Variants in TOM1L2 observed in about 807,000 individuals in gnomAD.
TOM1L2 encodes target of myb1 like 2 membrane trafficking protein, also known as TOM1-like protein 2.
In TOM1L2, 31 loss-of-function variants were observed where a neutral mutation model predicts 67.9. The ratio of observed to expected loss-of-function variants is 0.46; its 90% CI spans 0.34 to 0.62. The LOEUF is 0.62. Among genes scored for constraint, TOM1L2 ranks in the 20% least tolerant of loss-of-function variants. The pLI is 0.01. For missense variants in TOM1L2, 606 were observed against 663.5 expected, an observed-to-expected ratio of 0.91 and a Z score of 0.95; for synonymous variants, 256 against 254.0, an observed-to-expected ratio of 1.01 and a Z score of -0.07.
chr17:17,909,288 A>G (rs887204454), intron 1 of TOM1L2, among the ~76,000 whole-genome samples: 1 of 152,168 alleles, frequency 6.6e-6, no homozygotes, highest in Non-Finnish European at 1.5e-5. Flanking sequence ...CCTTGAGGAG[A>G]TATTTGCAGA....
intron 5 of TOM1L2, 45 bp from the exon 6 acceptor site, chr17:17,882,908 C>A: frequency 1.9e-6 from 3 of 1,606,722 alleles, no homozygotes; most frequent in Non-Finnish European, 2.6e-6. Flanking sequence ...GGGCTGCCTG[C>A]ATAGCTGGAC....
At chr17:17,903,134 C>G (rs1435224752) in intron 2 of TOM1L2, among the ~76,000 whole-genome samples, 2 of 152,214 alleles carry the variant, frequency 1.3e-5, no homozygotes, top group Non-Finnish European at 2.9e-5. Context: ...ACTGCCACTG[C>G]ACTAGTCTCC....
chr17:17,890,789 T>C (rs2038233673), intron 4 of TOM1L2, among the ~76,000 whole-genome samples: 1 of 152,160 alleles, frequency 6.6e-6, no homozygotes, highest in African/African-American at 2.4e-5. Flanking sequence ...CATGTTCAGT[T>C]TGTGAAAATT....
intron 1 of TOM1L2, among the ~76,000 whole-genome samples, chr17:17,945,507 CTGCTAT>C (rs1168781751): frequency 6.6e-6 from 1 of 152,172 alleles, no homozygotes; most frequent in East Asian, 1.9e-4. Context: ...GACCACAGAT[CTGCTAT>C]TGATGAAAAG....
chr17:17,869,395 C>A lies in TOM1L2; in HGVS notation c.856G>T (p.Glu286Ter). 2 of 1,613,488 alleles carry A rather than the reference C, an allele frequency of 1.2e-6. No homozygotes were observed. Among genetic ancestry groups the A allele is most frequent in the South Asian group, 2.2e-5 (2 of 91,044 alleles). ...ISRVSNEEVTEELLHVNDDLN... is the reference protein window; with the variant it reads ...ISRVSNEEVT ...TCATCGTTCACATGCAGCAGCTCCT[C>A]GGTGACCTCCTCATTGGACACGCGG... is the stretch of plus-strand genomic sequence containing the variant. Residue 286 changes from glutamate (E) to a stop codon, truncating the protein, a stop_gained, in exon 8 of 15, where the codon GAG becomes TAG. Coordinates refer to ENST00000379504, the MANE Select transcript of TOM1L2 (RefSeq NM_001082968.2). LOFTEE classifies it high-confidence loss of function.
At chr17:17,861,288 C>T (rs560432115) in intron 12 of TOM1L2, among the ~76,000 whole-genome samples, 188 bp downstream of exon 12, 12 of 152,230 alleles carry the variant, frequency 7.9e-5, no homozygotes, top group African/African-American at 2.2e-4. Flanking sequence ...CCTCATCTCA[C>T]GGGGTGAGGT....
chr17:17,870,109 T>C, intron 7 of TOM1L2, among the ~76,000 whole-genome samples: 1 of 151,508 alleles, frequency 6.6e-6, no homozygotes, highest in South Asian at 2.1e-4. Flanking sequence ...ACAGCAGGAG[T>C]GTATTTTATG....
chr17:17,918,028 CT>C (rs1170187362), intron 1 of TOM1L2, among the ~76,000 whole-genome samples: 14 of 152,022 alleles, frequency 9.2e-5, no homozygotes, highest in African/African-American at 3.4e-4. Flanking sequence ...TCTTTAATTT[CT>C]TTCAGCAACG....
intron 13 of TOM1L2, 135 bp from the exon 14 acceptor site, chr17:17,848,994 G>T: frequency 1.4e-6 from 1 of 706,840 alleles, no homozygotes; most frequent in Non-Finnish European, 2.4e-6. Flanking sequence ...AATTTTCCCT[G>T]TTTCCAGATT....
In TOM1L2 at chr17:17,845,977, G is replaced by A. The variant is rs2035622350; in HGVS notation, c.*1658C>T. ...TAGTCCCACCCTCAGCCAGACAGAG[G>A]TTTCCTCTCTGGAGGGAGCTGGAGG... is the stretch of plus-strand genomic sequence containing the variant. On this transcript the variant is annotated 3_prime_UTR_variant, in exon 15 of 15. Coordinates refer to ENST00000379504, the MANE Select transcript of TOM1L2 (RefSeq NM_001082968.2). The A allele has an allele frequency of 6.6e-6, 1 of 152,382 alleles. No individual in the cohort carries two copies. The highest frequency in any genetic ancestry group is 6.5e-5 in the Admixed American group (1 of 15,286). 9.4% of individuals were successfully genotyped at this position (152,382 alleles called of 1,614,324 possible).
chr17:17,899,255 T>C (rs1292112711), intron 2 of TOM1L2, among the ~76,000 whole-genome samples: 3 of 152,212 alleles, frequency 2.0e-5, no homozygotes, highest in Non-Finnish European at 4.4e-5. Context: ...GAAGAGAGCG[T>C]GCCAGGTCCT....
intron 1 of TOM1L2, among the ~76,000 whole-genome samples, chr17:17,917,326 C>T (rs1285555296): frequency 2.0e-5 from 3 of 151,378 alleles, no homozygotes; most frequent in African/African-American, 2.4e-5. Flanking sequence ...AGAGCAAGAC[C>T]CCATCTCAAA....
intron 5 of TOM1L2, among the ~76,000 whole-genome samples, chr17:17,884,082 T>C (rs1391348316): frequency 6.6e-6 from 1 of 152,122 alleles, no homozygotes; most frequent in Non-Finnish European, 1.5e-5. Context: ...CTGCAAAAGC[T>C]TTGGTGGGAT....
chr17:17,888,242 G>A (rs1211858026), intron 4 of TOM1L2, among the ~76,000 whole-genome samples: 1 of 152,212 alleles, frequency 6.6e-6, no homozygotes, highest in East Asian at 1.9e-4. Context: ...AAGATTAGGG[G>A]CTTGGAAGAC....
chr17:17,862,751 G>C lies in TOM1L2; in HGVS notation c.1182C>G (p.Ser394=). Reference sequence around the variant, plus strand: ...CATACGTCTTGCGCTGCTCAGCCAAGGAGTTTCCTCTCGTCTGGGCAAACA... The same window carrying C: ...CATACGTCTTGCGCTGCTCAGCCAACGAGTTTCCTCTCGTCTGGGCAAACA... ...FDMFAQTRGN[S]LAEQRKTVTY... The change falls in exon 11 of 15, where the codon TCC becomes TCG. Residue 394 remains serine (S), a synonymous_variant. Coordinates refer to ENST00000379504, the MANE Select transcript of TOM1L2 (RefSeq NM_001082968.2). 6.2e-7 allele frequency: 1 copy of C among 1,613,716 alleles called. No homozygotes were observed. The highest frequency in any genetic ancestry group is 8.5e-7 in the Non-Finnish European group (1 of 1,180,024).
chr17:17,960,598 A>G (rs1478170783), intron 1 of TOM1L2, among the ~76,000 whole-genome samples: 3 of 152,208 alleles, frequency 2.0e-5, no homozygotes, highest in Admixed American at 6.5e-5. Context: ...TTGGCTGCCC[A>G]GAATACTAGT....
At chr17:17,952,193 T>G (rs1046561155) in intron 1 of TOM1L2, among the ~76,000 whole-genome samples, 4 of 151,968 alleles carry the variant, frequency 2.6e-5, no homozygotes, top group African/African-American at 7.3e-5. Flanking sequence ...GTCTCCAAAA[T>G]GTACAATGAC....
chr17:17,911,032 G>A (rs986484149), intron 1 of TOM1L2, among the ~76,000 whole-genome samples: 1 of 152,122 alleles, frequency 6.6e-6, no homozygotes, highest in Non-Finnish European at 1.5e-5. Context: ...TGTAGAAAGC[G>A]GCAGCCAAAA....
chr17:17,857,810 C>T (rs1277543589), intron 12 of TOM1L2: 4 of 1,535,684 alleles, frequency 2.6e-6, no homozygotes, highest in Non-Finnish European at 3.5e-6. Context: ...GGCTCCAGGT[C>T]AGACTCCCCA....
Sources: gnomAD v4.1 joint callset for allele counts (sites outside exome capture counted in the v4.1 genomes callset) on GRCh38, gnomAD v4.1.1 for gene constraint, MANE v1.5 for transcripts, NCBI Gene and HGNC (gene_info 2026-07-23, HGNC 2026-07-21) for gene names.